Variants in CADM2 observed in about 807,000 individuals in gnomAD.
The protein encoded by CADM2 is immunoglobulin superfamily member 4D.
CADM2 carries 12 observed loss-of-function variants against 49.8 expected under a neutral mutation model. That is an observed-to-expected ratio of 0.24 (90% CI 0.15 to 0.39). CADM2 has a LOEUF of 0.39. Ranked by LOEUF, CADM2 falls within the 10% of genes least tolerant of loss-of-function variation. The probability of loss-of-function intolerance (pLI) is 1.00; values close to 1 mark genes in which losing one functional copy is unlikely to be tolerated. For missense variants in CADM2, 378 were observed against 492.3 expected, an observed-to-expected ratio of 0.77 and a Z score of 2.20; for synonymous variants, 214 against 175.4, an observed-to-expected ratio of 1.22 and a Z score of -1.74.
intron 1 of CADM2, among the ~76,000 whole-genome samples, chr3:85,705,268 T>C (rs1007220248): frequency 6.6e-6 from 1 of 151,472 alleles, no homozygotes; most frequent in African/African-American, 2.4e-5. Flanking sequence ...ACGTTTTGTA[T>C]GTGATGACTT....
intron 2 of CADM2, among the ~76,000 whole-genome samples, chr3:85,756,161 A>ATT (rs35356516): frequency 2.2e-4 from 33 of 150,126 alleles, no homozygotes; most frequent in South Asian, 1.1e-3. Flanking sequence ...ACAAAGACCA[A>ATT]TTTTTTTTTT....
intron 1 of CADM2, among the ~76,000 whole-genome samples, chr3:85,678,651 C>T (rs1310423795): frequency 3.9e-5 from 6 of 152,138 alleles, no homozygotes; most frequent in Non-Finnish European, 1.5e-5. Context: ...AAACATTTTC[C>T]GTTCATCATC....
At chr3:85,279,183 A>G (rs751205847) in intron 1 of CADM2, among the ~76,000 whole-genome samples, 1 of 151,504 alleles carries the variant, frequency 6.6e-6, no homozygotes, top group Non-Finnish European at 1.5e-5. Flanking sequence ...TCTCTGCCAC[A>G]GAGTCCCTGT....
At chr3:85,469,581 A>G in intron 1 of CADM2, among the ~76,000 whole-genome samples, 1 of 152,206 alleles carries the variant, frequency 6.6e-6, no homozygotes, top group East Asian at 1.9e-4. Flanking sequence ...TTTGTAAGCA[A>G]GAGAAAGGGG....
intron 8 of CADM2, among the ~76,000 whole-genome samples, chr3:86,034,343 C>T (rs756366752): frequency 1.3e-5 from 2 of 151,926 alleles, no homozygotes; most frequent in Non-Finnish European, 2.9e-5. Flanking sequence ...CTGATTAGGT[C>T]ATGAAGGTGG....
At chr3:86,034,976 C>G (rs1734980192) in intron 8 of CADM2, among the ~76,000 whole-genome samples, 1 of 152,014 alleles carries the variant, frequency 6.6e-6, no homozygotes, top group African/African-American at 2.4e-5. Flanking sequence ...TCAAAAGCCT[C>G]CTGAATGTTC....
chr3:85,374,550 C>T (rs1187269431), intron 1 of CADM2, among the ~76,000 whole-genome samples: 3 of 152,062 alleles, frequency 2.0e-5, no homozygotes, highest in East Asian at 1.9e-4. Flanking sequence ...CCCCATCTAC[C>T]GGTAACAATT....
intron 3 of CADM2, among the ~76,000 whole-genome samples, chr3:85,818,705 GA>G (rs1209239633): frequency 6.6e-6 from 1 of 151,914 alleles, no homozygotes; most frequent in African/African-American, 2.4e-5. Context: ...TTAGAACACT[GA>G]AAAAAGGAAA....
intron 1 of CADM2, among the ~76,000 whole-genome samples, chr3:85,667,945 C>T (rs536091646): frequency 1.2e-4 from 18 of 152,046 alleles, no homozygotes; most frequent in African/African-American, 4.3e-4. Context: ...ACAATAAATG[C>T]CAGCTCTTAC....
chr3:85,247,087 A>G (rs1042873792), intron 1 of CADM2, among the ~76,000 whole-genome samples: 2 of 152,108 alleles, frequency 1.3e-5, no homozygotes, highest in Non-Finnish European at 2.9e-5. Context: ...TATTGTTACA[A>G]TTGGCATTTG....
intron 1 of CADM2, among the ~76,000 whole-genome samples, chr3:85,562,124 T>A (rs1559911381): frequency 6.6e-6 from 1 of 152,100 alleles, no homozygotes. Flanking sequence ...GGTTTAAATA[T>A]TATATACCAT....
intron 1 of CADM2, among the ~76,000 whole-genome samples, chr3:85,064,339 A>G (rs1418920306): frequency 2.6e-5 from 4 of 152,120 alleles, no homozygotes; most frequent in Admixed American, 6.6e-5. Context: ...TGATTCTCCC[A>G]TAAGGGTTTC....
intron 8 of CADM2, among the ~76,000 whole-genome samples, chr3:85,979,884 C>T (rs565515526): frequency 1.0e-3 from 158 of 151,584 alleles, no homozygotes; most frequent in African/African-American, 3.8e-3. Flanking sequence ...CAGATGGCTC[C>T]ATGAGTAATT....
At chr3:85,504,550 T>C (rs2040242799) in intron 1 of CADM2, among the ~76,000 whole-genome samples, 1 of 152,184 alleles carries the variant, frequency 6.6e-6, no homozygotes, top group African/African-American at 2.4e-5. Context: ...GCATTTACAA[T>C]GCCTGAGTTA....
At chr3:85,297,176 A>G (rs1457043518) in intron 1 of CADM2, among the ~76,000 whole-genome samples, 1 of 149,740 alleles carries the variant, frequency 6.7e-6, no homozygotes, top group African/African-American at 2.6e-5. Flanking sequence ...TGATATAGCT[A>G]AGCGTCAGAT....
intron 1 of CADM2, among the ~76,000 whole-genome samples, chr3:85,180,340 A>G (rs559622230): frequency 1.4e-4 from 21 of 151,578 alleles, no homozygotes; most frequent in Admixed American, 2.6e-4. Context: ...GAAACCCTAT[A>G]TCTACTGAAA....
At chr3:85,042,751 T>G (rs1480271181) in intron 1 of CADM2, among the ~76,000 whole-genome samples, 1 of 152,140 alleles carries the variant, frequency 6.6e-6, no homozygotes, top group Non-Finnish European at 1.5e-5. Context: ...TCCAAACAAC[T>G]TTCCTGGTGA....
intron 5 of CADM2, among the ~76,000 whole-genome samples, chr3:85,909,804 C>G (rs62261746): frequency 0.22 from 34,104 of 152,048 alleles, 4,728 homozygotes; most frequent in East Asian, 0.31. Context: ...TCTGTTGGCT[C>G]TATAACTGTG....
chr3:85,248,878 A>G (rs1031267897), intron 1 of CADM2, among the ~76,000 whole-genome samples: 1 of 152,176 alleles, frequency 6.6e-6, no homozygotes, highest in Non-Finnish European at 1.5e-5. Flanking sequence ...TTTCTCATCC[A>G]TGATGTTCAT....
Sources: allele counts gnomAD v4.1 joint callset (sites outside exome capture counted in the v4.1 genomes callset), GRCh38; gene constraint gnomAD v4.1.1; transcripts MANE v1.5; gene names NCBI Gene and HGNC (gene_info 2026-07-23, HGNC 2026-07-21).